The following CRYBG2 variants were observed in gnomAD, a reference collection of about 807,000 sequenced individuals.
CRYBG2 encodes the protein beta/gamma crystallin domain-containing protein 2.
CRYBG2 carries 106 observed loss-of-function variants against 153.4 expected under a neutral mutation model. The observed-to-expected ratio is 0.69, with a 90% CI of 0.59 to 0.81. CRYBG2 has a LOEUF of 0.81. CRYBG2 is among the 30% of genes least tolerant of loss of function. The pLI is 0.00. For missense variants in CRYBG2, 1,996 were observed against 2,112.0 expected (o/e 0.95, Z 1.08); for synonymous variants, 851 against 877.8 (o/e 0.97, Z 0.54).
At chr1:26,332,921 T>A (rs2124699050) in intron 14 of CRYBG2, among the ~76,000 whole-genome samples, 1 of 149,440 alleles carries the variant, frequency 6.7e-6, no homozygotes, top group African/African-American at 2.5e-5. Flanking sequence ...AATATAAATA[T>A]TTGGCTTCTA....
At chr1:26,339,149 G>A in intron 6 of CRYBG2, 141 bp downstream of exon 6, 1 of 1,051,124 alleles carries the variant, frequency 9.5e-7, no homozygotes. Flanking sequence ...ACACTGAATT[G>A]CTATTGTCTG....
At chr1:26,327,513 G>A (rs1435449193) in intron 17 of CRYBG2, among the ~76,000 whole-genome samples, 1 of 151,850 alleles carries the variant, frequency 6.6e-6, no homozygotes, top group East Asian at 1.9e-4. Flanking sequence ...GCCAGATGTG[G>A]TGGCACATAC....
chr1:26,331,511 C>A lies in CRYBG2; in HGVS notation c.4292G>T (p.Gly1431Val). 1 of 1,613,972 alleles carries A rather than the reference C, an allele frequency of 6.2e-7. No homozygotes were observed. Among genetic ancestry groups the A allele is most frequent in the Non-Finnish European group, 8.5e-7 (1 of 1,180,032 alleles). The change falls in exon 15 of 20, where the codon GGC becomes GTC. Residue 1431 changes from glycine (G) to valine (V), a missense_variant. Transcript: ENST00000308182. ...CACCAGGGATACCTTCTGGAGAGAG[C>A]CCAGGACTGTGGAGGCGAGGCAGCC... ...AMGCLASTVLGSLQKVSLHFS... is the reference protein window; with the variant it reads ...AMGCLASTVLVSLQKVSLHFS...
intron 7 of CRYBG2, 53 bp from the exon 8 acceptor site, chr1:26,338,100 G>C (rs1213268067): frequency 6.3e-7 from 1 of 1,598,176 alleles, no homozygotes; most frequent in Non-Finnish European, 8.5e-7. Context: ...AAGACAGATG[G>C]GGCTGCGGAT....
chr1:26,325,403 CA>C lies in CRYBG2; in HGVS notation c.4579-1094del, dbSNP rs2073911472. Among the ~76,000 whole-genome samples the C allele has an allele frequency of 6.6e-6, 1 of 152,058 alleles. No individual in the cohort carries two copies. Among genetic ancestry groups the C allele is most frequent in the South Asian group, 2.1e-4 (1 of 4,820 alleles). On this transcript the variant is annotated intron_variant, in intron 17 of 19. Transcript: ENST00000308182. This position sits in a 1 kb window ranked among gnomAD's most constrained non-coding sequence, Gnocchi z 4.1. ...CAAAACCCTGTCTGTACCAAAAATA[CA>C]AAAAAATTAGCCAGGTGTGGTGGCA...
chr1:26,340,439 C>T (rs569399974), intron 5 of CRYBG2, among the ~76,000 whole-genome samples: 1 of 152,274 alleles, frequency 6.6e-6, no homozygotes, highest in East Asian at 1.9e-4. Context: ...CTCCCATGTG[C>T]TTGGCATACA....
rs187103779 is a variant in CRYBG2 at position 26,353,521 on chromosome 1, T to C, written c.-56+515A>G. 5.1e-4 allele frequency among the ~76,000 whole-genome samples: 77 copies of C among 152,350 alleles called. 2 individuals carry two copies. The East Asian group carries it at 0.012, about 23-fold the overall frequency. On this transcript the variant is annotated intron_variant, in intron 1 of 19. Coordinates refer to ENST00000308182, the MANE Select transcript of CRYBG2 (RefSeq NM_001039775.4). The stretch of plus-strand genomic sequence containing the variant: ...CAGAGCCAGGTGGGGTAATTATTGC[T>C]GTCACTGAGACGTAATTAATAAGCA...
rs768080011 is a variant in CRYBG2, at chr1:26,322,277, C to A, written c.4784G>T (p.Gly1595Val). The A allele has an allele frequency of 1.2e-6, 2 of 1,613,936 alleles. No individual in the cohort carries two copies. The highest frequency in any genetic ancestry group is 2.2e-5 in the South Asian group (2 of 91,088). The part of the protein sequence containing the change: ...SLQVIGPPSP[G>V]SKVVLWAESR... ...CTCGGCCCACAGCACCACCTTGGAGCCTGGGCTAGGGGGTCCAATCACCTG... is the reference window on the plus strand; with the variant it reads ...CTCGGCCCACAGCACCACCTTGGAGACTGGGCTAGGGGGTCCAATCACCTG... The change falls in exon 19 of 20, where the codon GGC becomes GTC. Residue 1595 changes from glycine (G) to valine (V), a missense_variant. Coordinates refer to ENST00000308182, the MANE Select transcript of CRYBG2 (RefSeq NM_001039775.4).
chr1:26,337,460 C>T (rs541934338), intron 9 of CRYBG2, 78 bp downstream of exon 9: 104 of 1,600,274 alleles, frequency 6.5e-5, no homozygotes, highest in East Asian at 5.4e-4. Context: ...CCCACCCCTA[C>T]GCAGCCCAGG....
chr1:26,336,103 G>C lies in CRYBG2; in HGVS notation c.4176C>G (p.His1392Gln). ...CCCCTCCACGTTCTCACCTGCCGCC[G>C]TGGACCCGGCAGGACTGAGGTCGGA... ...ASFRPQSCRV[H>Q]GGSWILFDET... is the part of the protein sequence containing the mutation. The change falls in exon 14 of 20, where the codon CAC (histidine) becomes CAG (glutamine). Residue 1392 changes from histidine to glutamine, a missense_variant. Physicochemically the swap from His to Gln is conservative, Grantham distance 24 (BLOSUM62 0). Transcript: ENST00000308182. This position sits in a 1 kb window ranked among gnomAD's most constrained non-coding sequence, Gnocchi z 4.9. 6.8e-7 allele frequency: 1 copy of C among 1,471,060 alleles called. No homozygotes were observed. Among genetic ancestry groups the C allele is most frequent in the South Asian group, 1.4e-5 (1 of 72,616 alleles). The allele number at this position is 1,471,060 out of a possible 1,614,324, so 91.1% of individuals were successfully genotyped here. A position where few individuals can be genotyped will look rare whatever the true frequency, so the allele number is the denominator to read the frequency against.
Position 26,339,281 on chromosome 1 carries a change from C to G in CRYBG2, c.3344+9G>C. On this transcript the variant is annotated intron_variant, in intron 6 of 19. Transcript: ENST00000308182. ...CAAATGAGGGGATTCTAGAATAGAC[C>G]AGACTCACAGTCCTGCAGAGACGGT... 1 of 1,610,738 alleles carries G rather than the reference C, an allele frequency of 6.2e-7. No individual in the cohort carries two copies. Among genetic ancestry groups the G allele is most frequent in the South Asian group, 1.1e-5 (1 of 90,624 alleles).
chr1:26,344,593 G>A lies in CRYBG2; in HGVS notation c.2065C>T (p.Pro689Ser), dbSNP rs12562454. Residue 689 changes from proline (P) to serine (S), a missense_variant, in exon 2 of 20, where the codon CCC becomes TCC. Transcript: ENST00000308182. ...TCTTTCTGGGTGAGAGATGAGATGG[G>A]GCTCCCTTCAGAGTCCTGGACCCCC... ...DKGVQDSEGS[P>S]ISSLTQKEVV... The A allele has an allele frequency of 2.0e-6, 3 of 1,536,998 alleles. No homozygotes were observed. The highest frequency in any genetic ancestry group is 2.6e-6 in the Non-Finnish European group (3 of 1,146,834).
intron 1 of CRYBG2, among the ~76,000 whole-genome samples, chr1:26,347,801 T>C (rs2124047613): frequency 6.6e-6 from 1 of 152,210 alleles, no homozygotes; most frequent in South Asian, 2.1e-4. Flanking sequence ...CAGCTAGTTT[T>C]TATTTTGTAC....
At chr1:26,327,259 C>T (rs564790312) in intron 17 of CRYBG2, among the ~76,000 whole-genome samples, 150 of 151,936 alleles carry the variant, frequency 9.9e-4, no homozygotes, top group African/African-American at 3.4e-3. Context: ...ACAAGTCAGG[C>T]GTTCGAGACC....
In CRYBG2 at chr1:26,344,206, G is replaced by A; in HGVS notation, c.2452C>T (p.Gln818Ter). 1 of 1,535,752 alleles carries A rather than the reference G, an allele frequency of 6.5e-7. No homozygotes were observed. The highest frequency in any genetic ancestry group is 8.7e-7 in the Non-Finnish European group (1 of 1,146,658). ...LGPWVLGPGP[Q>*]EVPSLEEKEE... is the part of the protein sequence containing the mutation. ...TTCTCTTCCAGTGAAGGCACCTCCT[G>A]GGGTCCGGGGCCCAGCACCCATGGC... The change falls in exon 2 of 20, where the codon CAG becomes TAG. Residue 818 changes from glutamine (Q) to a stop codon, truncating the protein, a stop_gained. Transcript: ENST00000308182. LOFTEE classifies it high-confidence loss of function.
chr1:26,337,686 G>A lies in CRYBG2; in HGVS notation c.3508-12C>T. The A allele has an allele frequency of 6.2e-7, 1 of 1,608,744 alleles. No homozygotes were observed. ...TCATACACCACAGCCTGGGGGAAAG[G>A]GGCTGTCAGGAGTCATCTGGACCCA... On this transcript the variant is annotated splice_polypyrimidine_tract_variant and intron_variant, in intron 8 of 19. Coordinates refer to ENST00000308182, the MANE Select transcript of CRYBG2 (RefSeq NM_001039775.4).
chr1:26,326,244 G>GA (rs578109992), intron 17 of CRYBG2, among the ~76,000 whole-genome samples: 95 of 151,770 alleles, frequency 6.3e-4, no homozygotes, highest in South Asian at 3.1e-3. Context: ...CATCTATTAA[G>GA]AAAAAAAATC....
chr1:26,326,962 C>T, intron 17 of CRYBG2: 1 of 497,078 alleles, frequency 2.0e-6, no homozygotes, highest in South Asian at 1.4e-5. Context: ...CAGGATCAAG[C>T]CTGCTTTCCT....
Position 26,345,762 on chromosome 1 carries a change from C to G in CRYBG2, c.896G>C (p.Ser299Thr), listed in dbSNP as rs1398467251. 6.3e-7 allele frequency: 1 copy of G among 1,597,374 alleles called. No individual in the cohort carries two copies. The highest frequency in any genetic ancestry group is 1.3e-5 in the African/African-American group (1 of 75,034). ...SALASTGIPA[S>T]AHLPKNQDAP... is the part of the protein sequence containing the mutation. ...ATCCTGATTCTTAGGCAGGTGAGCA[C>G]TGGCTGGGATGCCTGTAGAGGCCAG... Residue 299 changes from serine to threonine, a missense_variant, in exon 2 of 20, where the codon AGT (serine) becomes ACT (threonine). Physicochemically the swap from Ser to Thr is moderately conservative, Grantham distance 58. Transcript: ENST00000308182.
Sources: allele counts gnomAD v4.1 joint callset (sites outside exome capture counted in the v4.1 genomes callset), GRCh38; gene constraint gnomAD v4.1.1; non-coding constraint Gnocchi (gnomAD v3.1); transcripts MANE v1.5; gene names NCBI Gene and HGNC (gene_info 2026-07-23, HGNC 2026-07-21).